DTHD1: variants seen among roughly 807,000 people sequenced by gnomAD.
DTHD1 encodes death domain containing 1, also known as death domain-containing protein 1.
A neutral mutation model predicts 74.8 loss-of-function variants in DTHD1; 59 were observed. The observed-to-expected ratio is 0.79, with a 90% CI of 0.64 to 0.98. DTHD1 has a LOEUF of 0.98. Ranked by LOEUF, DTHD1 falls within the 50% of genes least tolerant of loss-of-function variation. The pLI, the probability that DTHD1 is intolerant of heterozygous loss-of-function variation, is 0.00. For synonymous variants in DTHD1, 365 were observed against 371.1 expected, an observed-to-expected ratio of 0.98 and a Z score of 0.19; for missense variants, 1,051 against 1,065.4, an observed-to-expected ratio of 0.99 and a Z score of 0.19.
At chr4:36,328,485 C>T (rs1420748976) in intron 8 of DTHD1, among the ~76,000 whole-genome samples, 2 of 151,732 alleles carry the variant, frequency 1.3e-5, no homozygotes, top group Non-Finnish European at 3.0e-5. Flanking sequence ...TGTGTGTCCA[C>T]GTGTGCATGC....
chr4:36,306,154 AAATTGTACC>A (rs1242419918), intron 5 of DTHD1, 28 bp from the exon 6 acceptor site: 1 of 1,511,652 alleles, frequency 6.6e-7, no homozygotes, highest in Non-Finnish European at 9.0e-7. Flanking sequence ...TATATCATGT[AAATTGTACC>A]AATATCTCTT....
intron 2 of DTHD1, among the ~76,000 whole-genome samples, chr4:36,285,048 C>A (rs971741674): frequency 6.6e-6 from 1 of 152,116 alleles, no homozygotes; most frequent in African/African-American, 2.4e-5. Context: ...CCATTTCATA[C>A]CTCCCAAAGA....
chr4:36,282,818 C>A (rs79757221), intron 1 of DTHD1, among the ~76,000 whole-genome samples: 2,142 of 152,240 alleles, frequency 0.014, 40 homozygotes, highest in African/African-American at 0.049. Flanking sequence ...TCAGGGAAAT[C>A]TGTCTAAAGG....
At chr4:36,292,310 A>C (rs1756125826) in intron 3 of DTHD1, among the ~76,000 whole-genome samples, 1 of 152,208 alleles carries the variant, frequency 6.6e-6, no homozygotes, top group African/African-American at 2.4e-5. Flanking sequence ...TTAAAGCAAA[A>C]AAGAGAGAGA....
Position 36,281,691 on chromosome 4 carries a change from A to T in DTHD1, c.-68A>T. ...AGAGTTTAGGAGAAATAACAATCAC[A>T]AAGTTTGAATTTGCAAAACCTTTAG... On this transcript the variant is annotated 5_prime_UTR_variant, in exon 1 of 10. Transcript: ENST00000639862. The T allele has an allele frequency of 2.4e-6, 3 of 1,233,856 alleles. No individual in the cohort carries two copies. The highest frequency in any genetic ancestry group is 3.0e-6 in the Non-Finnish European group (3 of 988,480). 76.4% of individuals were successfully genotyped at this position (1,233,856 alleles called of 1,614,324 possible).
intron 7 of DTHD1, among the ~76,000 whole-genome samples, chr4:36,314,570 T>C (rs1225403635): frequency 3.3e-5 from 5 of 151,370 alleles, no homozygotes. Flanking sequence ...TAGTCCCAGC[T>C]GCTTGGGAGG....
chr4:36,303,867 A>G lies in DTHD1; in HGVS notation c.1644-2324A>G, dbSNP rs113152358. On this transcript the variant is annotated intron_variant, in intron 5 of 9. Transcript: ENST00000639862. ...ATAGAACAGCCACTGTTCGGTTGCT[A>G]TCACTGTGGCAGAAGAAAGACCTTT... is the stretch of plus-strand genomic sequence containing the variant. Among the ~76,000 whole-genome samples, 605 of 152,332 alleles carry G rather than the reference A, an allele frequency of 4.0e-3. 2 individuals are homozygous for G. Among genetic ancestry groups the G allele is most frequent in the African/African-American group, 0.013 (548 of 41,578 alleles).
rs1382153900 is a variant in DTHD1, at chr4:36,308,322, G to A, written c.1924G>A (p.Asp642Asn). ...CTGCATAGTACTGTCTCACCAGAAG[G>A]ACAATCCACATAGAATAGCTGTTTT... The part of the protein sequence containing the change: ...TACIVLSHQK[D>N]NPHRIAVLVV... The change falls in exon 7 of 10, where the codon GAC becomes AAC. Residue 642 changes from aspartate (D) to asparagine (N), a missense_variant. Physicochemically the swap from Asp to Asn is conservative, Grantham distance 23. Transcript: ENST00000639862. 1.9e-6 allele frequency: 3 copies of A among 1,551,834 alleles called. No homozygotes were observed. The highest frequency in any genetic ancestry group is 2.7e-5 in the African/African-American group (2 of 73,054).
chr4:36,296,799 A>T (rs1178769557), intron 5 of DTHD1, among the ~76,000 whole-genome samples: 1 of 151,998 alleles, frequency 6.6e-6, no homozygotes, highest in Non-Finnish European at 1.5e-5. Flanking sequence ...TCATTGTTTT[A>T]CTATGCTTTA....
At chr4:36,319,379 C>A (rs936014839) in intron 8 of DTHD1, among the ~76,000 whole-genome samples, 3 of 152,180 alleles carry the variant, frequency 2.0e-5, no homozygotes, top group Non-Finnish European at 4.4e-5. Flanking sequence ...TCTCTCTGTT[C>A]CGTAGTTTAG....
chr4:36,318,866 G>A (rs963106086), intron 8 of DTHD1, among the ~76,000 whole-genome samples: 2 of 152,072 alleles, frequency 1.3e-5, no homozygotes, highest in African/African-American at 4.8e-5. Flanking sequence ...CGCCCGCCTC[G>A]GCCTCCCGAA....
intron 8 of DTHD1, among the ~76,000 whole-genome samples, chr4:36,338,166 G>C (rs1380859394): frequency 1.3e-5 from 2 of 152,054 alleles, no homozygotes; most frequent in East Asian, 1.9e-4. Flanking sequence ...TCACTAATCT[G>C]TTCTACATCT....
At chr4:36,333,590 T>C (rs1191523689) in intron 8 of DTHD1, 1 of 152,116 alleles carries the variant, frequency 6.6e-6, no homozygotes, top group African/African-American at 2.4e-5. Context: ...GCAGGTGCAG[T>C]GGGATCACTG....
intron 7 of DTHD1, among the ~76,000 whole-genome samples, chr4:36,310,454 G>A (rs1023147463): frequency 3.3e-5 from 5 of 152,156 alleles, no homozygotes; most frequent in Non-Finnish European, 7.3e-5. Flanking sequence ...GCCCTGTGGT[G>A]GAATAGAATC....
intron 2 of DTHD1, among the ~76,000 whole-genome samples, chr4:36,285,412 G>A (rs1755642673): frequency 1.3e-5 from 2 of 152,030 alleles, no homozygotes; most frequent in Non-Finnish European, 2.9e-5. Context: ...ATGAGCTTTG[G>A]GAGGTACTTA....
chr4:36,295,399 A>C (rs1019796066), intron 5 of DTHD1, among the ~76,000 whole-genome samples: 5 of 152,134 alleles, frequency 3.3e-5, no homozygotes, highest in Admixed American at 2.6e-4. Context: ...AAATAGCTAG[A>C]TGCTGACAAT....
chr4:36,284,179 G>T lies in DTHD1; in HGVS notation c.475G>T (p.Ala159Ser). ...ARGELNVIET[A>S]TVSPTNGEES... The stretch of plus-strand genomic sequence containing the variant: ...AGGGGAACTAAATGTCATAGAAACA[G>T]CTACTGTTTCTCCCACAAATGGAGA... Residue 159 changes from alanine (A) to serine (S), a missense_variant, in exon 2 of 10, where the codon GCT becomes TCT. Physicochemically the swap from Ala to Ser is moderately conservative, Grantham distance 99. Transcript: ENST00000639862. 1.3e-6 allele frequency: 2 copies of T among 1,537,178 alleles called. No individual in the cohort carries two copies. Among genetic ancestry groups the T allele is most frequent in the South Asian group, 1.2e-5 (1 of 84,062 alleles).
At chr4:36,342,468 T>C (rs1480131983) in intron 9 of DTHD1, among the ~76,000 whole-genome samples, 1 of 151,924 alleles carries the variant, frequency 6.6e-6, no homozygotes, top group Non-Finnish European at 1.5e-5. Flanking sequence ...GGCTGGAATG[T>C]GAAAGGAGAG....
intron 8 of DTHD1, among the ~76,000 whole-genome samples, chr4:36,329,562 A>C (rs966638665): frequency 1.3e-5 from 2 of 152,198 alleles, no homozygotes. Flanking sequence ...TACAGTTTTG[A>C]AAGACAAAAA....
Sources: allele counts gnomAD v4.1 joint callset (sites outside exome capture counted in the v4.1 genomes callset), GRCh38; gene constraint gnomAD v4.1.1; transcripts MANE v1.5; gene names NCBI Gene and HGNC (gene_info 2026-07-23, HGNC 2026-07-21).